Variants in ARSJ observed in about 807,000 individuals in gnomAD.
ARSJ encodes the protein arylsulfatase family member J.
ARSJ carries 26 observed loss-of-function variants against 35.9 expected under a neutral mutation model. The observed-to-expected ratio is 0.72, with a 90% confidence interval of 0.53 to 1.00. The LOEUF (loss-of-function observed/expected upper bound fraction) is 1.00, where lower values mean the gene tolerates loss of function less well. Ranked by LOEUF, ARSJ falls within the 50% of genes least tolerant of loss-of-function variation. The pLI is 0.00. For synonymous variants in ARSJ, 294 were observed against 267.6 expected, an observed-to-expected ratio of 1.10 and a Z score of -0.96; for missense variants, 667 against 723.6, an observed-to-expected ratio of 0.92 and a Z score of 0.90.
intron 1 of ARSJ, among the ~76,000 whole-genome samples, chr4:113,906,453 T>C (rs2099668768): frequency 6.6e-6 from 1 of 152,218 alleles, no homozygotes. Flanking sequence ...TAATCAACTA[T>C]GAGGTTTCTG....
At chr4:113,948,857 A>C (rs1725671783) in intron 1 of ARSJ, among the ~76,000 whole-genome samples, 1 of 152,130 alleles carries the variant, frequency 6.6e-6, no homozygotes, top group African/African-American at 2.4e-5. Flanking sequence ...TCATTGCAAC[A>C]GATGCTCAAA....
chr4:113,949,880 T>C lies in ARSJ; in HGVS notation c.398+28557A>G, dbSNP rs547206768. Among the ~76,000 whole-genome samples, 101 of 152,236 alleles carry C rather than the reference T, an allele frequency of 6.6e-4. 1 individual carries two copies. In the South Asian group the frequency reaches 6.7e-3, roughly 10 times the overall value. ...TAGATCCTTATGTCTTGGAACACCC[T>C]TGAGAAGTAGAAGAGCATTGCTATG... is the stretch of plus-strand genomic sequence containing the variant. On this transcript the variant is annotated intron_variant, in intron 1 of 1. Coordinates refer to ENST00000315366, the MANE Select transcript of ARSJ (RefSeq NM_024590.4).
Position 113,979,007 on chromosome 4 carries a change from T to G in ARSJ, c.-173A>C. ...TAATCTTCCAGAAGTGATGGCTTAA[T>G]GGATGGGACTCCGGAAGAACAAGGA... On this transcript the variant is annotated 5_prime_UTR_variant, in exon 1 of 2. Coordinates refer to ENST00000315366, the MANE Select transcript of ARSJ (RefSeq NM_024590.4). 1.6e-6 allele frequency: 1 copy of G among 612,626 alleles called. No homozygotes were observed. The highest frequency in any genetic ancestry group is 2.7e-6 in the Non-Finnish European group (1 of 369,450). The allele number at this position is 612,626 out of a possible 1,614,324, so 37.9% of individuals were successfully genotyped here. A position where few individuals can be genotyped will look rare whatever the true frequency, so the allele number is the denominator to read the frequency against.
intron 1 of ARSJ, among the ~76,000 whole-genome samples, chr4:113,973,068 C>T (rs115255370): frequency 2.0e-5 from 3 of 152,308 alleles, no homozygotes; most frequent in Admixed American, 6.5e-5. Context: ...AGCACTGGCT[C>T]GCTGTCGTCT....
chr4:113,922,449 C>A (rs752290335), intron 1 of ARSJ, among the ~76,000 whole-genome samples: 3 of 151,996 alleles, frequency 2.0e-5, no homozygotes, highest in Non-Finnish European at 2.9e-5. Context: ...TGATATCATC[C>A]CATCAGCTCT....
chr4:113,944,520 T>G (rs1725352739), intron 1 of ARSJ, among the ~76,000 whole-genome samples: 2 of 152,056 alleles, frequency 1.3e-5, no homozygotes, highest in Non-Finnish European at 2.9e-5. Context: ...TAAAATTATA[T>G]GCAGTGTCGA....
intron 1 of ARSJ, among the ~76,000 whole-genome samples, chr4:113,971,744 G>A (rs1727262707): frequency 2.0e-5 from 3 of 152,216 alleles, no homozygotes; most frequent in African/African-American, 7.2e-5. Context: ...ATATATGAAA[G>A]TAATGACTGA....
chr4:113,956,253 A>G (rs746651668), intron 1 of ARSJ, among the ~76,000 whole-genome samples: 10 of 152,064 alleles, frequency 6.6e-5, no homozygotes, highest in Admixed American at 1.3e-4. Flanking sequence ...TAGGATTTAA[A>G]CCCATAATAA....
chr4:113,926,186 T>C (rs141497261), intron 1 of ARSJ, among the ~76,000 whole-genome samples: 281 of 151,888 alleles, frequency 1.9e-3, no homozygotes, highest in African/African-American at 6.5e-3. Flanking sequence ...AAGAAGTCCA[T>C]CCACATACCT....
At chr4:113,942,090 T>C (rs1175994093) in intron 1 of ARSJ, among the ~76,000 whole-genome samples, 1 of 151,748 alleles carries the variant, frequency 6.6e-6, no homozygotes, top group African/African-American at 2.4e-5. Context: ...ATGAGGTGAA[T>C]TTGAAGAGCC....
intron 1 of ARSJ, among the ~76,000 whole-genome samples, chr4:113,973,836 C>T (rs1376793189): frequency 2.6e-5 from 4 of 152,020 alleles, no homozygotes; most frequent in African/African-American, 9.7e-5. Flanking sequence ...TAAAAAATAT[C>T]CAAGGCAATT....
Position 113,902,008 on chromosome 4 carries a change from AGG to A in ARSJ, c.*264_*265del. The stretch of plus-strand genomic sequence containing the variant: ...TGACTGAAGCACAGCAGTGGAACTC[AGG>A]ACTCACCACGTTTTCTAAAGGAGCA... On this transcript the variant is annotated 3_prime_UTR_variant, in exon 2 of 2. Transcript: ENST00000315366. 1.1e-6 allele frequency: 1 copy of A among 924,862 alleles called. No individual in the cohort carries two copies. The highest frequency in any genetic ancestry group is 1.7e-5 in the South Asian group (1 of 58,758). 57.3% of individuals were successfully genotyped at this position (924,862 alleles called of 1,614,324 possible). A position where few individuals can be genotyped will look rare whatever the true frequency, so the allele number is the denominator to read the frequency against.
At chr4:113,909,130 C>T (rs78140341) in intron 1 of ARSJ, among the ~76,000 whole-genome samples, 13,891 of 151,572 alleles carry the variant, frequency 0.092, 728 homozygotes, top group African/African-American at 0.14. Context: ...GAGAGAAGTA[C>T]AGAAGGAGTG....
intron 1 of ARSJ, among the ~76,000 whole-genome samples, chr4:113,923,401 T>C (rs192003594): frequency 9.6e-4 from 146 of 152,296 alleles, no homozygotes; most frequent in African/African-American, 3.3e-3. Context: ...TTTCAGCCTA[T>C]GTAGATCAGA....
intron 1 of ARSJ, among the ~76,000 whole-genome samples, chr4:113,947,807 G>A (rs1725594449): frequency 6.6e-6 from 1 of 151,980 alleles, no homozygotes; most frequent in Non-Finnish European, 1.5e-5. Flanking sequence ...TTTAAGTGTA[G>A]TATGGCAAAA....
At chr4:113,919,368 C>T (rs1723523935) in intron 1 of ARSJ, among the ~76,000 whole-genome samples, 1 of 152,168 alleles carries the variant, frequency 6.6e-6, no homozygotes. Context: ...AGGTAAGTCA[C>T]TTCTCTATGT....
chr4:113,964,171 T>G (rs1465380081), intron 1 of ARSJ, among the ~76,000 whole-genome samples: 1 of 152,066 alleles, frequency 6.6e-6, no homozygotes, highest in South Asian at 2.1e-4. Context: ...CTAGCTAAGA[T>G]GGCCATAACA....
At chr4:113,967,509 C>T (rs1185935115) in intron 1 of ARSJ, among the ~76,000 whole-genome samples, 3 of 152,148 alleles carry the variant, frequency 2.0e-5, no homozygotes, top group East Asian at 1.9e-4. Flanking sequence ...GTTCCTACTA[C>T]TCTCATTTGA....
intron 1 of ARSJ, among the ~76,000 whole-genome samples, chr4:113,936,582 T>C (rs550553609): frequency 6.6e-6 from 1 of 152,064 alleles, no homozygotes; most frequent in Admixed American, 6.6e-5. Context: ...AATTTAGTTC[T>C]ACTTTTTGTA....
Sources: allele counts gnomAD v4.1 joint callset (sites outside exome capture counted in the v4.1 genomes callset), GRCh38; gene constraint gnomAD v4.1.1; transcripts MANE v1.5; gene names NCBI Gene and HGNC (gene_info 2026-07-23, HGNC 2026-07-21).